SLIT2: variants seen among roughly 807,000 people sequenced by gnomAD.
SLIT2 encodes the protein slit guidance ligand 2.
In SLIT2, 41 loss-of-function variants were observed where a neutral mutation model predicts 185.7. The ratio of observed to expected loss-of-function variants is 0.22; its 90% CI spans 0.17 to 0.29. SLIT2 has a LOEUF of 0.29. SLIT2 is among the 10% of genes least tolerant of loss of function. The pLI is 1.00. For synonymous variants in SLIT2, 693 were observed against 680.2 expected, an observed-to-expected ratio of 1.02 and a Z score of -0.29; for missense variants, 1,571 against 1,909.0, an observed-to-expected ratio of 0.82 and a Z score of 3.30.
chr4:20,518,930 T>TAAC (rs1720565397), intron 11 of SLIT2, among the ~76,000 whole-genome samples: 1 of 152,066 alleles, frequency 6.6e-6, no homozygotes. Flanking sequence ...AAAACAAAAC[T>TAAC]AACATAATAC....
intron 34 of SLIT2, among the ~76,000 whole-genome samples, chr4:20,614,368 T>C (rs1377049340): frequency 6.6e-6 from 1 of 152,184 alleles, no homozygotes; most frequent in African/African-American, 2.4e-5. Context: ...TTTTGAGGCC[T>C]GTAGAAATAA....
chr4:20,554,445 T>G (rs1468324482), intron 26 of SLIT2: 1 of 389,938 alleles, frequency 2.6e-6, no homozygotes, highest in Non-Finnish European at 5.3e-6. Context: ...CTTGTTTGTA[T>G]CCCTTTCTTT....
intron 6 of SLIT2, among the ~76,000 whole-genome samples, chr4:20,485,748 T>C (rs1318555314): frequency 6.6e-6 from 1 of 152,196 alleles, no homozygotes; most frequent in East Asian, 1.9e-4. Context: ...CTGACACGAA[T>C]GATTCTGTAT....
In SLIT2 at chr4:20,253,679, A is replaced by C; in HGVS notation, c.-137A>C. ...GGGCTCTACTGCCTTGTTCCATATT[A>C]TTTGGTGCACATTTTCCCTGGCACT... On this transcript the variant is annotated 5_prime_UTR_variant, in exon 1 of 37. Coordinates refer to ENST00000504154, the MANE Select transcript of SLIT2 (RefSeq NM_004787.4). 2.0e-6 allele frequency: 2 copies of C among 995,908 alleles called. No homozygotes were observed. The highest frequency in any genetic ancestry group is 1.5e-5 in the South Asian group (1 of 65,934). The allele number at this position is 995,908 out of a possible 1,614,324, so 61.7% of individuals were successfully genotyped here.
rs762341007 is a variant in SLIT2 at position 20,525,195 on chromosome 4, A to G, written c.1462+23A>G. 6 of 1,571,584 alleles carry G rather than the reference A, an allele frequency of 3.8e-6. No individual in the cohort carries two copies. The African/African-American group carries it at 8.1e-5, about 21-fold the overall frequency. On this transcript the variant is annotated intron_variant, in intron 15 of 36. Coordinates refer to ENST00000504154, the MANE Select transcript of SLIT2 (RefSeq NM_004787.4). ...CAGGTAGGTTTTGCTCGGTAGTAGG[A>G]CTAACTACAGACACCCTTTCCTCAC...
intron 8 of SLIT2, among the ~76,000 whole-genome samples, chr4:20,490,107 A>AAAAT (rs527842931): frequency 2.0e-4 from 30 of 151,626 alleles, no homozygotes; most frequent in African/African-American, 5.1e-4. Flanking sequence ...ATAAATCAAT[A>AAAAT]AAATAAATAA....
chr4:20,263,780 C>T (rs1473884942), intron 3 of SLIT2, among the ~76,000 whole-genome samples: 1 of 151,792 alleles, frequency 6.6e-6, no homozygotes, highest in African/African-American at 2.4e-5. Flanking sequence ...TGCATAGCTT[C>T]ACAAAATGCT....
At chr4:20,534,571 T>G (rs1054165842) in intron 18 of SLIT2, among the ~76,000 whole-genome samples, 1 of 152,100 alleles carries the variant, frequency 6.6e-6, no homozygotes. Flanking sequence ...GCCTAAAAAT[T>G]GGAAGAAAGA....
At chr4:20,293,839 T>A (rs1716209245) in intron 4 of SLIT2, among the ~76,000 whole-genome samples, 1 of 152,166 alleles carries the variant, frequency 6.6e-6, no homozygotes. Context: ...TCACTGTGGC[T>A]CAGGGATGTG....
chr4:20,608,699 T>C (rs1409143628), intron 33 of SLIT2, among the ~76,000 whole-genome samples: 1 of 152,176 alleles, frequency 6.6e-6, no homozygotes, highest in Non-Finnish European at 1.5e-5. Context: ...CCTGTCAGCA[T>C]ACAACGGAAG....
rs192818226 is a variant in SLIT2 at position 20,358,896 on chromosome 4, C to A, written c.395+90015C>A. ...AGAATAATATATTCACTGTGTGAAA[C>A]AACAACAACATCAACTAGATACAAA... On this transcript the variant is annotated intron_variant, in intron 4 of 36. Transcript: ENST00000504154. 2.0e-4 allele frequency among the ~76,000 whole-genome samples: 31 copies of A among 152,120 alleles called. 1 individual carries two copies. In the East Asian group the frequency reaches 4.6e-3, roughly 23 times the overall value.
At chr4:20,360,594 T>A (rs1722661256) in intron 4 of SLIT2, among the ~76,000 whole-genome samples, 1 of 151,110 alleles carries the variant, frequency 6.6e-6, no homozygotes, top group African/African-American at 2.4e-5. Context: ...ATAACATTTT[T>A]AAAAATTATG....
intron 4 of SLIT2, among the ~76,000 whole-genome samples, chr4:20,296,011 TG>T (rs1577386183): frequency 1.3e-5 from 2 of 152,236 alleles, no homozygotes; most frequent in East Asian, 3.9e-4. Flanking sequence ...AGAAAATGTC[TG>T]GGAGTCAGAA....
intron 4 of SLIT2, among the ~76,000 whole-genome samples, chr4:20,348,812 T>C (rs1721644066): frequency 6.6e-6 from 1 of 152,236 alleles, no homozygotes; most frequent in African/African-American, 2.4e-5. Flanking sequence ...CTCTGGGAGT[T>C]CATCCTCCCA....
chr4:20,318,705 A>G (rs1718804951), intron 4 of SLIT2, among the ~76,000 whole-genome samples: 1 of 152,044 alleles, frequency 6.6e-6, no homozygotes, highest in Non-Finnish European at 1.5e-5. Context: ...ATGGGAACCT[A>G]TTGAATGTTT....
intron 4 of SLIT2, among the ~76,000 whole-genome samples, chr4:20,465,305 A>G (rs1383111665): frequency 6.6e-6 from 1 of 152,224 alleles, no homozygotes; most frequent in Non-Finnish European, 1.5e-5. Flanking sequence ...TAAAACCAAG[A>G]AACAGTATCT....
intron 4 of SLIT2, among the ~76,000 whole-genome samples, chr4:20,352,719 C>T (rs1173162849): frequency 6.6e-6 from 1 of 152,132 alleles, no homozygotes; most frequent in Admixed American, 6.5e-5. Flanking sequence ...TGAGATCACC[C>T]TGGCTCAACA....
chr4:20,529,716 A>T (rs1207572260), intron 16 of SLIT2, among the ~76,000 whole-genome samples: 1 of 152,204 alleles, frequency 6.6e-6, no homozygotes, highest in African/African-American at 2.4e-5. Flanking sequence ...GCACTTACAG[A>T]TTCTATGCCC....
chr4:20,538,385 C>T (rs1194406797), intron 18 of SLIT2, among the ~76,000 whole-genome samples: 1 of 146,468 alleles, frequency 6.8e-6, no homozygotes, highest in Non-Finnish European at 1.5e-5. Context: ...CATTTGTTTT[C>T]TAACATAAAA....
Sources: allele counts gnomAD v4.1 joint callset (sites outside exome capture counted in the v4.1 genomes callset), GRCh38; gene constraint gnomAD v4.1.1; transcripts MANE v1.5; gene names NCBI Gene and HGNC (gene_info 2026-07-23, HGNC 2026-07-21).